LRRIQ1: variants seen among roughly 807,000 people sequenced by gnomAD.
LRRIQ1 encodes leucine-rich repeat- and IQ domain-containing protein 1.
A neutral mutation model predicts 211.9 loss-of-function variants in LRRIQ1; 210 were observed. The observed-to-expected ratio is 0.99, with a 90% confidence interval of 0.89 to 1.11. The LOEUF (loss-of-function observed/expected upper bound fraction) is 1.11. Ranked by LOEUF, LRRIQ1 falls within the 50% of genes most tolerant of loss-of-function variation. The probability of loss-of-function intolerance (pLI) is 0.00; values close to 1 mark genes in which losing one functional copy is unlikely to be tolerated. For synonymous variants in LRRIQ1, 699 were observed against 650.1 expected, an observed-to-expected ratio of 1.08 and a Z score of -1.14; for missense variants, 2,136 against 1,939.5, an observed-to-expected ratio of 1.10 and a Z score of -1.90.
intron 24 of LRRIQ1, among the ~76,000 whole-genome samples, chr12:85,192,390 T>C (rs1026284568): frequency 1.5e-5 from 2 of 137,582 alleles, no homozygotes; most frequent in East Asian, 4.0e-4. Context: ...TAAATATATA[T>C]AGTGTATATA....
intron 4 of LRRIQ1, 114 bp downstream of exon 4, chr12:85,044,923 T>G (rs1228071962): frequency 4.6e-6 from 2 of 439,466 alleles, no homozygotes; most frequent in Non-Finnish European, 8.2e-6. Flanking sequence ...TATTAAAAAT[T>G]TAATTATTCT....
At chr12:85,201,623 C>A (rs1225049439) in intron 24 of LRRIQ1, among the ~76,000 whole-genome samples, 1 of 152,064 alleles carries the variant, frequency 6.6e-6, no homozygotes, top group Non-Finnish European at 1.5e-5. Flanking sequence ...TCTCTAGGGT[C>A]AGTGGTAATG....
intron 18 of LRRIQ1, among the ~76,000 whole-genome samples, chr12:85,128,815 T>C (rs1888557946): frequency 2.0e-5 from 3 of 152,228 alleles, no homozygotes; most frequent in African/African-American, 4.8e-5. Flanking sequence ...ACCAGGGTTT[T>C]CTTTTTAAGC....
Position 85,137,881 on chromosome 12 carries a change from A to C in LRRIQ1, c.4241A>C (p.Lys1414Thr), listed in dbSNP as rs1362441245. 22 of 1,594,436 alleles carry C rather than the reference A, an allele frequency of 1.4e-5. No homozygotes were observed. The highest frequency in any genetic ancestry group is 1.9e-5 in the Non-Finnish European group (22 of 1,170,842). The change falls in exon 19 of 27, where the codon AAA (lysine) becomes ACA (threonine). Residue 1414 changes from lysine (K) to threonine (T), a missense_variant. Lys to Thr is a moderately conservative substitution (Grantham distance 78). Coordinates refer to ENST00000393217, the MANE Select transcript of LRRIQ1 (RefSeq NM_001079910.2). Reference protein sequence around the residue: ...AVWKGFILRKKLTTALEAIKN... With the variant: ...AVWKGFILRKTLTTALEAIKN... Reference sequence around the variant, plus strand: ...TGGAAGGGCTTTATTTTGCGAAAGAAACTGACAACAGCTCTAGAGGCTATT... The same window carrying C: ...TGGAAGGGCTTTATTTTGCGAAAGACACTGACAACAGCTCTAGAGGCTATT...
downstream of LRRIQ1, among the ~76,000 whole-genome samples, chr12:85,266,338 GAC>G (rs1896418889): frequency 6.6e-6 from 1 of 152,020 alleles, no homozygotes. Context: ...TAATCTAAAA[GAC>G]ACAAAATATA....
At chr12:85,267,145 T>C (rs1896437392), downstream of LRRIQ1, among the ~76,000 whole-genome samples, 1 of 152,052 alleles carries the variant, frequency 6.6e-6, no homozygotes, top group South Asian at 2.1e-4. Flanking sequence ...ATAGAAACTT[T>C]CAAACTATTT....
intron 6 of LRRIQ1, 34 bp downstream of exon 6, chr12:85,047,504 A>G (rs1419695523): frequency 6.5e-7 from 1 of 1,529,660 alleles, no homozygotes; most frequent in South Asian, 1.1e-5. Context: ...TATTTTTAAA[A>G]TCAGTAGCTA....
intron 1 of LRRIQ1, among the ~76,000 whole-genome samples, chr12:85,258,656 C>A (rs943533479): frequency 6.6e-6 from 1 of 151,934 alleles, no homozygotes. Flanking sequence ...TCATTCACAG[C>A]ACTTAAATTG....
intron 11 of LRRIQ1, chr12:85,076,742 T>A (rs530094135): frequency 1.2e-5 from 2 of 167,134 alleles, no homozygotes; most frequent in African/African-American, 4.8e-5. Context: ...CTAGACATTT[T>A]GCTTATAAGA....
intron 24 of LRRIQ1, among the ~76,000 whole-genome samples, chr12:85,192,816 A>G (rs1292216289): frequency 1.9e-5 from 2 of 103,186 alleles, no homozygotes; most frequent in African/African-American, 3.8e-5. Context: ...AATTATATAT[A>G]AATATATATA....
intron 24 of LRRIQ1, 86 bp from the exon 25 acceptor site, chr12:85,229,431 G>A (rs1260289132): frequency 1.0e-5 from 11 of 1,061,516 alleles, no homozygotes; most frequent in Non-Finnish European, 1.4e-5. Context: ...TCTTTCTTGT[G>A]ATAAAATGTT....
chr12:85,048,868 A>G (rs1416328899), intron 6 of LRRIQ1, among the ~76,000 whole-genome samples: 1 of 152,210 alleles, frequency 6.6e-6, no homozygotes, highest in Non-Finnish European at 1.5e-5. Context: ...ATCTGATTTC[A>G]ATCCTATTCA....
Position 85,234,469 on chromosome 12 carries a change from G to A in LRRIQ1, c.5016+1713G>A, listed in dbSNP as rs147947332. Among the ~76,000 whole-genome samples, 329 of 152,222 alleles carry A rather than the reference G, an allele frequency of 2.2e-3. 4 individuals are homozygous for A. Among genetic ancestry groups the A allele is most frequent in the African/African-American group, 7.5e-3 (312 of 41,532 alleles). ...ACTGAACACAAAAACAAGGTAAATG[G>A]TAGTAGAATAGAAATATCCAGATGT... On this transcript the variant is annotated intron_variant, in intron 26 of 26. Transcript: ENST00000393217.
chr12:85,253,810 A>C (rs975144180), intron 1 of LRRIQ1, among the ~76,000 whole-genome samples: 1 of 152,052 alleles, frequency 6.6e-6, no homozygotes, highest in Non-Finnish European at 1.5e-5. Context: ...TATACTAATC[A>C]CTGATGCTTC....
chr12:85,135,376 G>A (rs754544578), intron 18 of LRRIQ1, among the ~76,000 whole-genome samples: 6 of 151,432 alleles, frequency 4.0e-5, no homozygotes, highest in Non-Finnish European at 7.4e-5. Context: ...GAGATACATA[G>A]TATCTGGTTG....
chr12:85,136,706 T>G lies in LRRIQ1; in HGVS notation c.4210-1144T>G, dbSNP rs981736308. Among the ~76,000 whole-genome samples the G allele has an allele frequency of 2.0e-5, 3 of 151,818 alleles. No individual in the cohort carries two copies. The East Asian group carries it at 5.8e-4, about 30-fold the overall frequency. ...CTCTCTCTCTCTTTCTGTATATATA[T>G]ATATTTCAGAATGAAAATACCAATC... is the stretch of plus-strand genomic sequence containing the variant. On this transcript the variant is annotated intron_variant, in intron 18 of 26. Coordinates refer to ENST00000393217, the MANE Select transcript of LRRIQ1 (RefSeq NM_001079910.2).
chr12:85,070,892 T>C (rs1297481420), intron 10 of LRRIQ1, among the ~76,000 whole-genome samples: 1 of 151,954 alleles, frequency 6.6e-6, no homozygotes, highest in Non-Finnish European at 1.5e-5. Flanking sequence ...CTTACTAATT[T>C]TAAGATTTAT....
At chr12:85,079,762 T>A (rs1884070897) in intron 11 of LRRIQ1, among the ~76,000 whole-genome samples, 1 of 152,180 alleles carries the variant, frequency 6.6e-6, no homozygotes, top group South Asian at 2.1e-4. Flanking sequence ...TCATTCTGCC[T>A]GCTTTTTTCT....
intron 5 of LRRIQ1, among the ~76,000 whole-genome samples, chr12:85,046,625 C>T (rs1879618268): frequency 6.6e-6 from 1 of 151,984 alleles, no homozygotes. Flanking sequence ...TTAGAAATAC[C>T]ATTTGATCCA....
Sources: allele counts gnomAD v4.1 joint callset (sites outside exome capture counted in the v4.1 genomes callset), GRCh38; gene constraint gnomAD v4.1.1; transcripts MANE v1.5; gene names NCBI Gene and HGNC (gene_info 2026-07-23, HGNC 2026-07-21).